Variants in LRMDA observed in about 807,000 individuals in gnomAD.
The protein encoded by LRMDA is leucine rich melanocyte differentiation associated.
A neutral mutation model predicts 29.8 loss-of-function variants in LRMDA; 18 were observed. That is an observed-to-expected ratio of 0.60 (90% CI 0.42 to 0.90). LRMDA has a LOEUF of 0.90. LRMDA is among the 40% of genes least tolerant of loss of function. LRMDA has a pLI of 0.00. For synonymous variants in LRMDA, 125 were observed against 109.4 expected (o/e 1.14, Z -0.89); for missense variants, 273 against 273.9 (o/e 1.00, Z 0.02).
intron 2 of LRMDA, among the ~76,000 whole-genome samples, chr10:75,598,108 A>C (rs530056486): frequency 4.8e-4 from 73 of 152,322 alleles, no homozygotes; most frequent in Admixed American, 2.2e-3. Context: ...TAGCAATCTA[A>C]AGTTGCTGTT....
intron 2 of LRMDA, among the ~76,000 whole-genome samples, chr10:76,003,799 C>G (rs188044288): frequency 3.9e-5 from 6 of 152,304 alleles, no homozygotes; most frequent in Admixed American, 3.9e-4. Flanking sequence ...AATATCATTT[C>G]TTCCTAACAA....
chr10:75,659,755 A>G (rs1474568972), intron 2 of LRMDA, among the ~76,000 whole-genome samples: 1 of 152,178 alleles, frequency 6.6e-6, no homozygotes, highest in Non-Finnish European at 1.5e-5. Context: ...TGTATTGTAC[A>G]CTTGAGATTT....
chr10:76,321,004 A>C (rs186439663), intron 5 of LRMDA, among the ~76,000 whole-genome samples: 1 of 152,350 alleles, frequency 6.6e-6, no homozygotes. Context: ...TCAAAGCAAG[A>C]TATAGAAATC....
At chr10:76,044,272 C>G (rs1848390484) in intron 3 of LRMDA, among the ~76,000 whole-genome samples, 2 of 152,212 alleles carry the variant, frequency 1.3e-5, no homozygotes, top group African/African-American at 4.8e-5. Context: ...CCGTGCAGGT[C>G]CGGGTCTAGG....
At chr10:75,744,020 T>C (rs1214745854) in intron 2 of LRMDA, among the ~76,000 whole-genome samples, 1 of 152,214 alleles carries the variant, frequency 6.6e-6, no homozygotes, top group East Asian at 1.9e-4. Flanking sequence ...CACTAGGGTG[T>C]TGAAACAGTT....
At chr10:75,912,601 A>T (rs11001546) in intron 2 of LRMDA, among the ~76,000 whole-genome samples, 53 of 152,152 alleles carry the variant, frequency 3.5e-4, no homozygotes, top group Non-Finnish European at 6.9e-4. Context: ...AGGGTACATT[A>T]GGGTGGGATA....
intron 2 of LRMDA, among the ~76,000 whole-genome samples, chr10:75,991,491 A>G (rs980942737): frequency 6.6e-6 from 1 of 152,236 alleles, no homozygotes; most frequent in African/African-American, 2.4e-5. Context: ...AATCAGCTGT[A>G]AAATCAACAT....
chr10:75,776,437 A>G (rs1049352140), intron 2 of LRMDA, among the ~76,000 whole-genome samples: 3 of 152,208 alleles, frequency 2.0e-5, no homozygotes, highest in African/African-American at 7.2e-5. Context: ...ATGCCAACAT[A>G]AGCTTGAAAT....
intron 2 of LRMDA, among the ~76,000 whole-genome samples, chr10:75,703,483 G>C (rs1842332326): frequency 6.6e-6 from 1 of 152,232 alleles, no homozygotes; most frequent in Admixed American, 6.5e-5. Context: ...CCAGGTGTGA[G>C]GAGGTTAAAA....
chr10:75,911,335 A>T (rs1845839525), intron 2 of LRMDA, among the ~76,000 whole-genome samples: 1 of 152,136 alleles, frequency 6.6e-6, no homozygotes, highest in South Asian at 2.1e-4. Flanking sequence ...GGGAGGTGGC[A>T]TGGGGGGAGC....
At chr10:76,485,978 T>G (rs186670333) in intron 6 of LRMDA, among the ~76,000 whole-genome samples, 42 of 152,048 alleles carry the variant, frequency 2.8e-4, no homozygotes, top group African/African-American at 1.0e-3. Context: ...AATCTTTCTT[T>G]GAGTACTGAG....
chr10:76,326,406 T>A (rs7070940), intron 6 of LRMDA, among the ~76,000 whole-genome samples: 1 of 152,216 alleles, frequency 6.6e-6, no homozygotes, highest in Non-Finnish European at 1.5e-5. Flanking sequence ...TTTCTGATCA[T>A]GTACATCACG....
chr10:75,671,935 A>T (rs1185652518), intron 2 of LRMDA, among the ~76,000 whole-genome samples: 3 of 152,092 alleles, frequency 2.0e-5, no homozygotes, highest in Non-Finnish European at 4.4e-5. Flanking sequence ...TTTAAACAGG[A>T]TTTTCTCTCC....
At chr10:76,551,756 G>A (rs1046286318) in intron 6 of LRMDA, among the ~76,000 whole-genome samples, 1 of 152,196 alleles carries the variant, frequency 6.6e-6, no homozygotes, top group Non-Finnish European at 1.5e-5. Context: ...TTATGGACAT[G>A]TATAGAGTCC....
chr10:75,663,011 C>T (rs934042631), intron 2 of LRMDA, among the ~76,000 whole-genome samples: 6 of 152,148 alleles, frequency 3.9e-5, no homozygotes, highest in African/African-American at 1.2e-4. Flanking sequence ...GACTTCAGAG[C>T]AGGCTGATTT....
intron 2 of LRMDA, among the ~76,000 whole-genome samples, chr10:75,808,782 A>G (rs1207750231): frequency 6.6e-6 from 1 of 152,182 alleles, no homozygotes. Context: ...TGCTGGGATT[A>G]CAGGCATGAG....
At chr10:75,760,435 T>A (rs1218924806) in intron 2 of LRMDA, among the ~76,000 whole-genome samples, 2 of 152,192 alleles carry the variant, frequency 1.3e-5, no homozygotes, top group Non-Finnish European at 2.9e-5. Flanking sequence ...AAGACCACTA[T>A]GGATTTTGGT....
At chr10:76,454,049 T>C (rs1842432563) in intron 6 of LRMDA, among the ~76,000 whole-genome samples, 1 of 152,222 alleles carries the variant, frequency 6.6e-6, no homozygotes, top group Non-Finnish European at 1.5e-5. Flanking sequence ...TTCTCAGGCA[T>C]AATCTAGTTT....
chr10:76,484,139 T>G (rs925806438), intron 6 of LRMDA, among the ~76,000 whole-genome samples: 1 of 151,754 alleles, frequency 6.6e-6, no homozygotes. Flanking sequence ...TCCCTTTTCT[T>G]ACTTTTTCTT....
Sources: allele counts gnomAD v4.1 joint callset (sites outside exome capture counted in the v4.1 genomes callset), GRCh38; gene constraint gnomAD v4.1.1; transcripts MANE v1.5; gene names NCBI Gene and HGNC (gene_info 2026-07-23, HGNC 2026-07-21).